RAPGEF4: variants seen among roughly 807,000 people sequenced by gnomAD.
RAPGEF4 encodes RAP guanine-nucleotide-exchange factor (GEF) 4.
In RAPGEF4, 66 loss-of-function variants were observed where a neutral mutation model predicts 147.9. The ratio of observed to expected loss-of-function variants is 0.45; its 90% CI spans 0.37 to 0.55. The LOEUF (loss-of-function observed/expected upper bound fraction) is 0.55, where lower values mean the gene tolerates loss of function less well. RAPGEF4 is among the 20% of genes least tolerant of loss of function. The pLI, the probability that RAPGEF4 is intolerant of heterozygous loss-of-function variation, is 0.00. For missense variants in RAPGEF4, 1,071 were observed against 1,257.3 expected (o/e 0.85, Z 2.24); for synonymous variants, 419 against 442.7 (o/e 0.95, Z 0.67).
At chr2:173,037,867 G>A (rs967350068) in intron 29 of RAPGEF4, among the ~76,000 whole-genome samples, 8 of 152,158 alleles carry the variant, frequency 5.3e-5, no homozygotes, top group Non-Finnish European at 8.8e-5. Flanking sequence ...AAGCCATAAA[G>A]TGCTATAGAC....
At chr2:172,978,614 C>G (rs1381532912) in intron 10 of RAPGEF4, among the ~76,000 whole-genome samples, 1 of 152,178 alleles carries the variant, frequency 6.6e-6, no homozygotes, top group Admixed American at 6.5e-5. Context: ...TTTGATCAAC[C>G]CCTCTAACAC....
In RAPGEF4 at chr2:172,839,331, G is replaced by A. The variant is rs549405463; in HGVS notation, c.444+24906G>A. On this transcript the variant is annotated intron_variant, in intron 4 of 30. Transcript: ENST00000397081. ...AAAGGAATAAAAGAATGGCTAGTCCGTAGACAGAGCAGCCCTGAGGGCTGC... is the reference window on the plus strand; with the variant it reads ...AAAGGAATAAAAGAATGGCTAGTCCATAGACAGAGCAGCCCTGAGGGCTGC... Among the ~76,000 whole-genome samples the A allele has an allele frequency of 3.3e-5, 5 of 152,174 alleles. No individual in the cohort carries two copies. In the East Asian group the frequency reaches 7.7e-4, roughly 23 times the overall value.
chr2:172,752,249 C>G (rs184181290), intron 1 of RAPGEF4, among the ~76,000 whole-genome samples: 2 of 152,300 alleles, frequency 1.3e-5, no homozygotes, highest in Admixed American at 6.5e-5. Flanking sequence ...GGATCAGTGT[C>G]TTAGCCAGGC....
At chr2:173,038,297 A>C (rs1188059176) in intron 29 of RAPGEF4, among the ~76,000 whole-genome samples, 2 of 152,230 alleles carry the variant, frequency 1.3e-5, no homozygotes, top group Non-Finnish European at 2.9e-5. Flanking sequence ...GTTTTCCAGA[A>C]ATGAAAGATT....
intron 4 of RAPGEF4, among the ~76,000 whole-genome samples, chr2:172,840,408 G>A (rs1253574657): frequency 6.6e-6 from 1 of 152,220 alleles, no homozygotes; most frequent in Non-Finnish European, 1.5e-5. Flanking sequence ...AGAGTACTAT[G>A]TTTCCACTTC....
At chr2:172,928,275 C>G in intron 6 of RAPGEF4, 1 of 450,540 alleles carries the variant, frequency 2.2e-6, no homozygotes, top group East Asian at 7.0e-5. Flanking sequence ...TTTCTTTCTG[C>G]TTTTTATTCC....
intron 4 of RAPGEF4, among the ~76,000 whole-genome samples, chr2:172,866,760 T>A (rs1412404757): frequency 6.6e-6 from 1 of 152,060 alleles, no homozygotes; most frequent in Non-Finnish European, 1.5e-5. Flanking sequence ...AAAAAACCTC[T>A]CTCAAACATG....
intron 6 of RAPGEF4, among the ~76,000 whole-genome samples, chr2:172,933,974 A>T (rs915545105): frequency 1.3e-5 from 2 of 152,106 alleles, no homozygotes; most frequent in Non-Finnish European, 2.9e-5. Flanking sequence ...TATTCTCTTA[A>T]TTAGTTTAAT....
At chr2:172,790,798 A>T (rs1685737542) in intron 1 of RAPGEF4, among the ~76,000 whole-genome samples, 1 of 152,206 alleles carries the variant, frequency 6.6e-6, no homozygotes, top group Non-Finnish European at 1.5e-5. Context: ...AGAGTGGCGT[A>T]AGGATTAATG....
At chr2:172,882,969 A>T (rs1696786401) in intron 4 of RAPGEF4, among the ~76,000 whole-genome samples, 3 of 152,108 alleles carry the variant, frequency 2.0e-5, no homozygotes, top group Non-Finnish European at 4.4e-5. Context: ...TTTGTCATTA[A>T]ATTTTAAATT....
chr2:172,771,925 C>T, intron 1 of RAPGEF4, among the ~76,000 whole-genome samples: 1 of 152,166 alleles, frequency 6.6e-6, no homozygotes, highest in East Asian at 1.9e-4. Context: ...AAATAAAAAG[C>T]TTTCCATCCA....
At chr2:173,003,248 T>C (rs201490829) in intron 17 of RAPGEF4, among the ~76,000 whole-genome samples, 1 of 130,660 alleles carries the variant, frequency 7.7e-6, no homozygotes, top group Middle Eastern at 3.8e-3. Flanking sequence ...GGAGAGAAGG[T>C]CCGTTCCATG....
At chr2:172,771,143 A>T (rs1218577594) in intron 1 of RAPGEF4, among the ~76,000 whole-genome samples, 1 of 152,060 alleles carries the variant, frequency 6.6e-6, no homozygotes. Context: ...TTTAAAAAAT[A>T]AATTTATTGC....
rs1187203972 is a variant in RAPGEF4, at chr2:173,032,834, G to C, written c.2650-1080G>C. ...AAGAGCCATTCTGTGGATTGCAGAG[G>C]CCCAATTGGTGAATCAACTGTTGAA... On this transcript the variant is annotated intron_variant, in intron 26 of 30. Transcript: ENST00000397081. Among the ~76,000 whole-genome samples, 4 of 152,206 alleles carry C rather than the reference G, an allele frequency of 2.6e-5. No homozygotes were observed. In the East Asian group the frequency reaches 7.7e-4, roughly 29 times the overall value.
At chr2:172,847,279 A>G (rs1431818295) in intron 4 of RAPGEF4, among the ~76,000 whole-genome samples, 1 of 152,174 alleles carries the variant, frequency 6.6e-6, no homozygotes, top group Non-Finnish European at 1.5e-5. Context: ...TAACACTGTC[A>G]CAAATATCTT....
chr2:172,956,890 C>T (rs1244033322), intron 6 of RAPGEF4, among the ~76,000 whole-genome samples: 1 of 152,182 alleles, frequency 6.6e-6, no homozygotes, highest in Non-Finnish European at 1.5e-5. Context: ...AGTCTGATAC[C>T]TGATGACCTA....
Position 172,996,572 on chromosome 2 carries a change from T to A in RAPGEF4, c.1579+18T>A, listed in dbSNP as rs1693384597. On this transcript the variant is annotated intron_variant, in intron 16 of 30. Coordinates refer to ENST00000397081, the MANE Select transcript of RAPGEF4 (RefSeq NM_007023.4). ...AGCAACAGGTATACACATAGAACCG[T>A]TTGCATGTCCATTAAATCCATGCAT... 1 of 1,481,780 alleles carries A rather than the reference T, an allele frequency of 6.7e-7. No individual in the cohort carries two copies. The highest frequency in any genetic ancestry group is 9.2e-7 in the Non-Finnish European group (1 of 1,088,502). The allele number at this position is 1,481,780 out of a possible 1,614,324, so 91.8% of individuals were successfully genotyped here.
intron 17 of RAPGEF4, among the ~76,000 whole-genome samples, chr2:173,008,946 C>G (rs941359998): frequency 2.6e-5 from 4 of 152,148 alleles, no homozygotes; most frequent in Non-Finnish European, 4.4e-5. Flanking sequence ...AAAACTGTAG[C>G]CTACACTGTG....
intron 22 of RAPGEF4, among the ~76,000 whole-genome samples, chr2:173,020,320 A>G (rs950915451): frequency 1.6e-3 from 15 of 9,418 alleles, no homozygotes; most frequent in Admixed American, 2.7e-3. Context: ...TTGTGAGATA[A>G]ATAGCCAAGT....
Sources: gnomAD v4.1 joint callset for allele counts (sites outside exome capture counted in the v4.1 genomes callset) on GRCh38, gnomAD v4.1.1 for gene constraint, MANE v1.5 for transcripts, NCBI Gene and HGNC (gene_info 2026-07-23, HGNC 2026-07-21) for gene names.